Variants in CAMK2B observed in about 807,000 individuals in gnomAD.
CAMK2B encodes calcium/calmodulin dependent protein kinase II beta, also known as calcium/calmodulin-dependent protein kinase type II subunit beta.
In CAMK2B, 27 loss-of-function variants were observed where a neutral mutation model predicts 93.7. The observed-to-expected ratio is 0.29, with a 90% CI of 0.21 to 0.40. The LOEUF (loss-of-function observed/expected upper bound fraction) is 0.40, where lower values mean the gene tolerates loss of function less well. CAMK2B is among the 10% of genes least tolerant of loss of function. The probability of loss-of-function intolerance (pLI) is 1.00; values close to 1 mark genes in which losing one functional copy is unlikely to be tolerated. For missense variants in CAMK2B, 568 were observed against 895.8 expected (o/e 0.63, Z 4.67); for synonymous variants, 374 against 358.8 (o/e 1.04, Z -0.48).
intron 20 of CAMK2B, among the ~76,000 whole-genome samples, chr7:44,223,043 A>G (rs2096431632): frequency 6.6e-6 from 1 of 152,210 alleles, no homozygotes; most frequent in Non-Finnish European, 1.5e-5. Context: ...GCATGTGTGT[A>G]CACGTGATTG....
At chr7:44,308,790 G>A (rs1323843357) in intron 1 of CAMK2B, among the ~76,000 whole-genome samples, 1 of 152,176 alleles carries the variant, frequency 6.6e-6, no homozygotes, top group Non-Finnish European at 1.5e-5. Context: ...ACTTTGCCCA[G>A]CAGCAGGCCT....
chr7:44,288,289 C>T lies in CAMK2B; in HGVS notation c.66-4064G>A, dbSNP rs141714744. Among the ~76,000 whole-genome samples, 543 of 152,376 alleles carry T rather than the reference C, an allele frequency of 3.6e-3. 5 individuals carry two copies. The highest frequency in any genetic ancestry group is 0.012 in the African/African-American group (511 of 41,592). On this transcript the variant is annotated intron_variant, in intron 1 of 23. Coordinates refer to ENST00000395749, the MANE Select transcript of CAMK2B (RefSeq NM_001220.5). ...TGGAAGCACGGGCGGGCCTAGCAGG[C>T]GGCAGCATGGTCCTTGGGCTCAGCA... is the stretch of plus-strand genomic sequence containing the variant.
Position 44,231,362 on chromosome 7 carries a change from C to T in CAMK2B, c.1177-308G>A, listed in dbSNP as rs115295268. Among the ~76,000 whole-genome samples, 703 of 152,330 alleles carry T rather than the reference C, an allele frequency of 4.6e-3. 6 individuals carry two copies. Among genetic ancestry groups the T allele is most frequent in the African/African-American group, 0.016 (678 of 41,590 alleles). ...TCACGGCAGCCAGCACAGGCTGGCA[C>T]GGAGTCCGAGGCCGGCCCTGCCACC... On this transcript the variant is annotated intron_variant, in intron 16 of 23. Transcript: ENST00000395749.
chr7:44,307,368 G>T (rs371355005), intron 1 of CAMK2B, among the ~76,000 whole-genome samples: 1 of 126,892 alleles, frequency 7.9e-6, no homozygotes, highest in Non-Finnish European at 1.7e-5. Flanking sequence ...TTGTCAGCAG[G>T]GGGAGGAGGG....
intron 1 of CAMK2B, among the ~76,000 whole-genome samples, chr7:44,319,775 C>T (rs1369373291): frequency 1.3e-5 from 2 of 152,176 alleles, no homozygotes; most frequent in South Asian, 2.1e-4. Flanking sequence ...ATGTGGCCAA[C>T]GCGTATGCAC....
At chr7:44,288,073 C>T (rs1462103480) in intron 1 of CAMK2B, among the ~76,000 whole-genome samples, 2 of 152,206 alleles carry the variant, frequency 1.3e-5, no homozygotes, top group Non-Finnish European at 2.9e-5. Context: ...GGAAGAGCGG[C>T]CCCTAGAGTG....
intron 1 of CAMK2B, among the ~76,000 whole-genome samples, chr7:44,285,448 C>A (rs374028631): frequency 1.2e-4 from 19 of 152,178 alleles, no homozygotes; most frequent in African/African-American, 3.9e-4. Flanking sequence ...CAGCCTCCCC[C>A]CTACAGGAAC....
intron 2 of CAMK2B, among the ~76,000 whole-genome samples, chr7:44,266,118 T>C (rs2096919546): frequency 6.6e-6 from 1 of 152,204 alleles, no homozygotes; most frequent in African/African-American, 2.4e-5. Flanking sequence ...ACAAGGATGT[T>C]TCATAAAATC....
In CAMK2B at chr7:44,253,352, T is replaced by G. The variant is rs993902317; in HGVS notation, c.341+1190A>C. ...CCTCAGCCTCCCGAGTAGCTGGGAT[T>G]ACAGGCATGCGCCACCACGCCCGGC... On this transcript the variant is annotated intron_variant, in intron 5 of 23. Transcript: ENST00000395749. Among the ~76,000 whole-genome samples the G allele has an allele frequency of 8.6e-5, 13 of 151,898 alleles. No individual in the cohort carries two copies. In the South Asian group the frequency reaches 2.7e-3, roughly 32 times the overall value.
intron 2 of CAMK2B, among the ~76,000 whole-genome samples, chr7:44,282,537 C>T (rs1357269651): frequency 6.6e-6 from 1 of 152,242 alleles, no homozygotes; most frequent in Non-Finnish European, 1.5e-5. Context: ...TGACCCAGCC[C>T]TGGGCACCGC....
chr7:44,306,296 G>A (rs1485643687), intron 1 of CAMK2B, among the ~76,000 whole-genome samples: 2 of 152,160 alleles, frequency 1.3e-5, no homozygotes, highest in East Asian at 3.9e-4. Context: ...GGAGGGTCTG[G>A]GACTTCTGCT....
intron 5 of CAMK2B, among the ~76,000 whole-genome samples, chr7:44,250,414 T>C (rs1370161447): frequency 6.6e-6 from 1 of 152,228 alleles, no homozygotes; most frequent in Non-Finnish European, 1.5e-5. Flanking sequence ...ATTAGAATTG[T>C]TCCCAAGCAG....
chr7:44,230,759 C>T (rs1321535021), intron 17 of CAMK2B, among the ~76,000 whole-genome samples: 1 of 152,144 alleles, frequency 6.6e-6, no homozygotes, highest in East Asian at 1.9e-4. Flanking sequence ...AAAGCCGTGG[C>T]TTCCTCACTT....
At chr7:44,226,493 C>T (rs187788625) in intron 20 of CAMK2B, 23 bp downstream of exon 20, 231 of 1,390,288 alleles carry the variant, frequency 1.7e-4, no homozygotes, top group South Asian at 7.5e-4. Context: ...GCCGCTGCCA[C>T]GGCCACTCAA....
chr7:44,243,344 G>T lies in CAMK2B; in HGVS notation c.518-11C>A. 6.2e-7 allele frequency: 1 copy of T among 1,613,644 alleles called. No homozygotes were observed. Among genetic ancestry groups the T allele is most frequent in the Non-Finnish European group, 8.5e-7 (1 of 1,179,670 alleles). On this transcript the variant is annotated splice_polypyrimidine_tract_variant and intron_variant, in intron 7 of 23. Transcript: ENST00000395749. ...GTGTGCCAGCGAAACCTAGAGAGAGGGGAAGAGGCCACAAGGGGCTGTCAG... is the reference window on the plus strand; with the variant it reads ...GTGTGCCAGCGAAACCTAGAGAGAGTGGAAGAGGCCACAAGGGGCTGTCAG...
intron 2 of CAMK2B, among the ~76,000 whole-genome samples, chr7:44,273,398 G>A (rs556366505): frequency 5.3e-5 from 8 of 152,276 alleles, no homozygotes; most frequent in African/African-American, 1.2e-4. Flanking sequence ...CAGGACTCCC[G>A]TGCTCACAAA....
intron 3 of CAMK2B, among the ~76,000 whole-genome samples, chr7:44,261,601 T>TG (rs2096879739): frequency 6.6e-6 from 1 of 152,092 alleles, no homozygotes; most frequent in African/African-American, 2.4e-5. Context: ...GATGGAGCAC[T>TG]GGGGGTCTGT....
At chr7:44,238,400 G>A (rs1334213524) in intron 13 of CAMK2B, among the ~76,000 whole-genome samples, 1 of 152,202 alleles carries the variant, frequency 6.6e-6, no homozygotes, top group Non-Finnish European at 1.5e-5. Context: ...GGGCAGCAGT[G>A]CCTCCCCAGA....
chr7:44,306,462 A>C (rs1386335374), intron 1 of CAMK2B, among the ~76,000 whole-genome samples: 1 of 152,260 alleles, frequency 6.6e-6, no homozygotes, highest in Non-Finnish European at 1.5e-5. Flanking sequence ...GGAGGTCTGC[A>C]TTAAGCAAAG....
Sources: allele counts gnomAD v4.1 joint callset (sites outside exome capture counted in the v4.1 genomes callset), GRCh38; gene constraint gnomAD v4.1.1; transcripts MANE v1.5; gene names NCBI Gene and HGNC (gene_info 2026-07-23, HGNC 2026-07-21).